Variants in EMX2 observed in about 807,000 individuals in gnomAD.
EMX2 encodes empty spiracles homeobox 2, also known as homeobox protein EMX2.
Under a neutral mutation model 23.0 loss-of-function variants are expected in EMX2, and 6 were observed. The ratio of observed to expected loss-of-function variants is 0.26; its 90% CI spans 0.14 to 0.52. The LOEUF (loss-of-function observed/expected upper bound fraction) is 0.52, where lower values mean the gene tolerates loss of function less well. Among genes scored for constraint, EMX2 ranks in the 20% least tolerant of loss-of-function variants. The probability of loss-of-function intolerance (pLI) is 0.97; values close to 1 mark genes in which losing one functional copy is unlikely to be tolerated. For synonymous variants in EMX2, 175 were observed against 153.3 expected (o/e 1.14, Z -1.04); for missense variants, 302 against 341.4 (o/e 0.88, Z 0.91).
At chr10:117,545,854 T>A in intron 2 of EMX2, 38 bp downstream of exon 2, 2 of 1,612,938 alleles carry the variant, frequency 1.2e-6, no homozygotes, top group Non-Finnish European at 1.7e-6. Context: ...CATCTAGGCG[T>A]GCGCCCCCTC....
In EMX2 at chr10:117,543,370, G is replaced by T. The variant is rs768649851; in HGVS notation, c.103G>T (p.Ala35Ser). 5 of 1,570,034 alleles carry T rather than the reference G, an allele frequency of 3.2e-6. No homozygotes were observed. The South Asian group carries it at 5.8e-5, about 18-fold the overall frequency. Residue 35 changes from alanine to serine, a missense_variant, in exon 1 of 3, where the codon GCA becomes TCA. By Grantham distance (99) the Ala-to-Ser change is moderately conservative (BLOSUM62 1). This residue lies in a region of EMX2 where 221 missense variants were observed against 206.8 expected (regional missense o/e 1.07). Transcript: ENST00000553456. Reference protein sequence around the residue: ...SRSEDPIRPAALSYANSSPIN... With the variant: ...SRSEDPIRPASLSYANSSPIN... ...CTCCGAGGACCCCATCCGTCCCGCG[G>T]CACTCAGCTACGCTAACTCCAGCCC...
chr10:117,544,438 T>C (rs976575430), intron 1 of EMX2: 1 of 151,726 alleles, frequency 6.6e-6, no homozygotes, highest in Admixed American at 6.6e-5. Flanking sequence ...TATCTGTTCG[T>C]GTGTTTTCAT....
intron 2 of EMX2, 108 bp from the exon 3 acceptor site, chr10:117,547,957 G>T: frequency 6.7e-7 from 1 of 1,484,712 alleles, no homozygotes; most frequent in Non-Finnish European, 9.1e-7. Flanking sequence ...CGGGGGCTGG[G>T]TCTTTGCTGA....
rs1376197269 is a variant in EMX2 at position 117,549,326 on chromosome 10, T to C, written c.*1094T>C. On this transcript the variant is annotated 3_prime_UTR_variant, in exon 3 of 3. Transcript: ENST00000553456. ...TAGTTAGCGGGGATGATGTTAAGTG[T>C]GGCCAAGCGCACGGCGGCAAGTTTT... The C allele has an allele frequency of 6.6e-6, 1 of 152,626 alleles. No homozygotes were observed. The highest frequency in any genetic ancestry group is 1.5e-5 in the Non-Finnish European group (1 of 68,044). The allele number at this position is 152,626 out of a possible 1,614,324, so 9.5% of individuals were successfully genotyped here.
chr10:117,547,934 A>G (rs1846602053), intron 2 of EMX2, 131 bp from the exon 3 acceptor site: 9 of 1,325,822 alleles, frequency 6.8e-6, no homozygotes, highest in Middle Eastern at 2.5e-4. Context: ...GCTGGACCTT[A>G]GGACTTGCAT....
In EMX2 at chr10:117,542,747, CACA is replaced by C. The variant is rs1422732759; in HGVS notation, c.-518_-516del. ...GGCTCATGAACTAACAAATCGTTTG[CACA>C]ACTTGTGAAGAAGCGAACACTTCCA... On this transcript the variant is annotated 5_prime_UTR_variant, in exon 1 of 3. Transcript: ENST00000553456. 4.6e-5 allele frequency: 7 copies of C among 152,698 alleles called. No individual in the cohort carries two copies. Among genetic ancestry groups the C allele is most frequent in the African/African-American group, 1.4e-4 (6 of 41,488 alleles). The allele number at this position is 152,698 out of a possible 1,614,324, so 9.5% of individuals were successfully genotyped here. A position where few individuals can be genotyped will look rare whatever the true frequency, so the allele number is the denominator to read the frequency against.
rs1564752722 is a variant in EMX2 at position 117,548,692 on chromosome 10, A to C, written c.*460A>C. The C allele has an allele frequency of 2.4e-6, 1 of 414,366 alleles. No homozygotes were observed. The highest frequency in any genetic ancestry group is 4.3e-6 in the Non-Finnish European group (1 of 235,010). The allele number at this position is 414,366 out of a possible 1,614,324, so 25.7% of individuals were successfully genotyped here. A position where few individuals can be genotyped will look rare whatever the true frequency, so the allele number is the denominator to read the frequency against. ...ACTTAAAAAATGATGATGATGATAA[A>C]AACCACGACCCAACCAGGCACAGGA... On this transcript the variant is annotated 3_prime_UTR_variant, in exon 3 of 3. Coordinates refer to ENST00000553456, the MANE Select transcript of EMX2 (RefSeq NM_004098.4).
rs1846517081 is a variant in EMX2, at chr10:117,543,148, C to A, written c.-120C>A. On this transcript the variant is annotated 5_prime_UTR_variant, in exon 1 of 3. Coordinates refer to ENST00000553456, the MANE Select transcript of EMX2 (RefSeq NM_004098.4). ...CTTTCCTTCCCCCCACCCCCACCCC[C>A]ACCCCAAACAAACGAGTCCCCAATT... The A allele has an allele frequency of 1.5e-5, 3 of 203,840 alleles. No homozygotes were observed. The highest frequency in any genetic ancestry group is 8.3e-5 in the South Asian group (1 of 12,008). The allele number at this position is 203,840 out of a possible 1,614,324, so 12.6% of individuals were successfully genotyped here.
In EMX2 at chr10:117,543,533, C is replaced by T; in HGVS notation, c.266C>T (p.Pro89Leu). Residue 89 changes from proline to leucine, a missense_variant, in exon 1 of 3, where the codon CCG becomes CTG. By Grantham distance (98) the Pro-to-Leu change is moderately conservative (BLOSUM62 -3). Transcript: ENST00000553456. The part of the protein sequence containing the change: ...PNPAVPVHPV[P>L]PPHALAAHPL... ...CCCGCCGTGCCAGTGCACCCGGTGCCGCCGCCGCACGCCCTGGCCGCCCAC... is the reference window on the plus strand; with the variant it reads ...CCCGCCGTGCCAGTGCACCCGGTGCTGCCGCCGCACGCCCTGGCCGCCCAC... 1.9e-6 allele frequency: 3 copies of T among 1,610,890 alleles called. No individual in the cohort carries two copies. The highest frequency in any genetic ancestry group is 2.5e-6 in the Non-Finnish European group (3 of 1,178,904).
At chr10:117,546,083 A>G (rs1426474430) in intron 2 of EMX2, among the ~76,000 whole-genome samples, 1 of 151,978 alleles carries the variant, frequency 6.6e-6, no homozygotes, top group Non-Finnish European at 1.5e-5. Flanking sequence ...CCTGGCTAAG[A>G]CATCCCTGCA....
At chr10:117,545,857 GC>G in intron 2 of EMX2, 41 bp downstream of exon 2, 2 of 1,612,626 alleles carry the variant, frequency 1.2e-6, no homozygotes, top group Non-Finnish European at 1.7e-6. Flanking sequence ...CTAGGCGTGC[GC>G]CCCCTCCCCA....
In EMX2 at chr10:117,548,725, G is replaced by GT. The variant is rs1846617263; in HGVS notation, c.*499dup. The stretch of plus-strand genomic sequence containing the variant: ...ACCCAACCAGGCACAGGACTTTTTT[G>GT]TTTTTTGCACTTCGCTGTGTTTCCC... On this transcript the variant is annotated 3_prime_UTR_variant, in exon 3 of 3. Transcript: ENST00000553456. 4 of 409,190 alleles carry GT rather than the reference G, an allele frequency of 9.8e-6. No homozygotes were observed. Among genetic ancestry groups the GT allele is most frequent in the Non-Finnish European group, 1.7e-5 (4 of 232,080 alleles). The allele number at this position is 409,190 out of a possible 1,614,324, so 25.3% of individuals were successfully genotyped here. A position where few individuals can be genotyped will look rare whatever the true frequency, so the allele number is the denominator to read the frequency against.
intron 2 of EMX2, 45 bp downstream of exon 2, chr10:117,545,861 C>T: frequency 1.2e-6 from 2 of 1,612,312 alleles, no homozygotes; most frequent in Non-Finnish European, 1.7e-6. Flanking sequence ...GCGTGCGCCC[C>T]CTCCCCAAAG....
At chr10:117,547,919 G>A in intron 2 of EMX2, 146 bp from the exon 3 acceptor site, 1 of 1,163,956 alleles carries the variant, frequency 8.6e-7, no homozygotes, top group Non-Finnish European at 1.2e-6. Context: ...GCAGGCCTTG[G>A]GGAGGCTGGA....
In EMX2 at chr10:117,548,279, G is replaced by C. The variant is rs1291929987; in HGVS notation, c.*47G>C. 6.2e-7 allele frequency: 1 copy of C among 1,606,652 alleles called. No individual in the cohort carries two copies. The highest frequency in any genetic ancestry group is 2.2e-5 in the East Asian group (1 of 44,614). On this transcript the variant is annotated 3_prime_UTR_variant, in exon 3 of 3. Coordinates refer to ENST00000553456, the MANE Select transcript of EMX2 (RefSeq NM_004098.4). ...GAAACGGACAACATGGAGCAAAAGA[G>C]ACAGGGAGAGGTGGAGAAGGAAAAA...
Position 117,543,170 on chromosome 10 carries a change from A to C in EMX2, c.-98A>C. ...CCCCACCCCAAACAAACGAGTCCCCAATTCTCGTCCGTCCTCGCCGCGGGC... is the reference window on the plus strand; with the variant it reads ...CCCCACCCCAAACAAACGAGTCCCCCATTCTCGTCCGTCCTCGCCGCGGGC... On this transcript the variant is annotated 5_prime_UTR_variant, in exon 1 of 3. Coordinates refer to ENST00000553456, the MANE Select transcript of EMX2 (RefSeq NM_004098.4). The C allele has an allele frequency of 2.6e-6, 1 of 386,202 alleles. No homozygotes were observed. Among genetic ancestry groups the C allele is most frequent in the Non-Finnish European group, 3.3e-6 (1 of 301,124 alleles). 23.9% of individuals were successfully genotyped at this position (386,202 alleles called of 1,614,324 possible).
rs1279688355 is a variant in EMX2 at position 117,549,034 on chromosome 10, C to T, written c.*802C>T. On this transcript the variant is annotated 3_prime_UTR_variant, in exon 3 of 3. Transcript: ENST00000553456. ...ATGAAGTAGGCTCAGCGATAGTGGT[C>T]CTCTTACAGAGAAACGGGGAGCAGG... The T allele has an allele frequency of 6.2e-6, 1 of 160,488 alleles. No individual in the cohort carries two copies. The highest frequency in any genetic ancestry group is 1.6e-4 in the East Asian group (1 of 6,064). 9.9% of individuals were successfully genotyped at this position (160,488 alleles called of 1,614,324 possible). A position where few individuals can be genotyped will look rare whatever the true frequency, so the allele number is the denominator to read the frequency against.
chr10:117,545,343 G>C, intron 1 of EMX2: 1 of 327,028 alleles, frequency 3.1e-6, no homozygotes, highest in East Asian at 5.9e-5. Context: ...CGAGGCCCGC[G>C]GCGCCAGGGC....
rs1846567301 is a variant in EMX2, at chr10:117,545,653, G to A, written c.428G>A (p.Ser143Asn). 3.1e-6 allele frequency: 5 copies of A among 1,614,136 alleles called. No homozygotes were observed. Among genetic ancestry groups the A allele is most frequent in the Non-Finnish European group, 4.2e-6 (5 of 1,180,040 alleles). The change falls in exon 2 of 3, where the codon AGT (serine) becomes AAT (asparagine). Residue 143 changes from serine (S) to asparagine (N), a missense_variant. Transcript: ENST00000553456. ...GCAGGGAACGACACTAGCCCCGAGAGTTTCCTTTTGCACAACGCGCTGGCC... is the reference window on the plus strand; with the variant it reads ...GCAGGGAACGACACTAGCCCCGAGAATTTCCTTTTGCACAACGCGCTGGCC... ...RFQGNDTSPE[S>N]FLLHNALARK...
Sources: gnomAD v4.1 joint callset for allele counts (sites outside exome capture counted in the v4.1 genomes callset) on GRCh38, gnomAD v4.1.1 for gene constraint, gnomAD v4.1.1 regional missense constraint, MANE v1.5 for transcripts, NCBI Gene and HGNC (gene_info 2026-07-23, HGNC 2026-07-21) for gene names.